The following TGFBRAP1 variants were observed in gnomAD, a reference collection of about 807,000 sequenced individuals.
TGFBRAP1 encodes transforming growth factor-beta receptor-associated protein 1.
Under a neutral mutation model 83.2 loss-of-function variants are expected in TGFBRAP1, and 20 were observed. The observed-to-expected ratio is 0.24, with a 90% confidence interval of 0.17 to 0.35. The LOEUF (loss-of-function observed/expected upper bound fraction) is 0.35, where lower values mean the gene tolerates loss of function less well. TGFBRAP1 is among the 10% of genes least tolerant of loss of function. The pLI is 1.00. For missense variants in TGFBRAP1, 950 were observed against 1,099.4 expected, an observed-to-expected ratio of 0.86 and a Z score of 1.92; for synonymous variants, 415 against 459.8, an observed-to-expected ratio of 0.90 and a Z score of 1.25.
At chr2:105,275,524 C>T (rs1677308860) in intron 8 of TGFBRAP1, 36 bp downstream of exon 8, 2 of 1,609,746 alleles carry the variant, frequency 1.2e-6, no homozygotes, top group African/African-American at 1.3e-5. Flanking sequence ...ACCACCTCCC[C>T]CAACCAAAGA....
At chr2:105,288,876 T>C (rs1677805647) in intron 4 of TGFBRAP1, among the ~76,000 whole-genome samples, 1 of 152,068 alleles carries the variant, frequency 6.6e-6, no homozygotes, top group African/African-American at 2.4e-5. Flanking sequence ...AGAAAGACAA[T>C]AAAAATATAA....
chr2:105,284,288 C>A (rs1336497400), intron 5 of TGFBRAP1, 28 bp downstream of exon 5: 2 of 1,607,018 alleles, frequency 1.2e-6, no homozygotes, highest in Non-Finnish European at 1.7e-6. Context: ...ACTGTAGTGG[C>A]AGTCTTGCTA....
chr2:105,325,316 G>A (rs1009419965), intron 1 of TGFBRAP1, among the ~76,000 whole-genome samples: 5 of 152,142 alleles, frequency 3.3e-5, no homozygotes, highest in African/African-American at 1.2e-4. Flanking sequence ...GTGGGATACT[G>A]CACACTCGAT....
chr2:105,284,279 C>G (rs1292838575), intron 5 of TGFBRAP1, 37 bp downstream of exon 5: 9 of 1,597,052 alleles, frequency 5.6e-6, no homozygotes, highest in Non-Finnish European at 5.2e-6. Context: ...CAGAGGGACA[C>G]TGTAGTGGCA....
At chr2:105,251,420 C>T in the TGFBRAP1 span, among the ~76,000 whole-genome samples, 1 of 151,726 alleles carries the variant, frequency 6.6e-6, no homozygotes, top group Non-Finnish European at 1.5e-5. Context: ...GCCCTGCCGC[C>T]CCGTCTGGGA....
intron 1 of TGFBRAP1, among the ~76,000 whole-genome samples, chr2:105,321,772 G>A (rs545126193): frequency 1.7e-4 from 26 of 152,198 alleles, no homozygotes; most frequent in Non-Finnish European, 3.4e-4. Context: ...GTAGCAAAAT[G>A]CATCACTCAT....
At chr2:105,280,827 G>T (rs892661835) in intron 5 of TGFBRAP1, 104 bp from the exon 6 acceptor site, 1 of 1,266,210 alleles carries the variant, frequency 7.9e-7, no homozygotes, top group Admixed American at 2.5e-5. Context: ...ACGTTCACAG[G>T]GGGCTGGGGA....
At chr2:105,320,831 T>C (rs1679034735) in intron 1 of TGFBRAP1, among the ~76,000 whole-genome samples, 1 of 152,186 alleles carries the variant, frequency 6.6e-6, no homozygotes, top group East Asian at 1.9e-4. Context: ...TAAACACTAC[T>C]CTCTAGATAC....
At chr2:105,273,085 C>T in intron 9 of TGFBRAP1, 71 bp from the exon 10 acceptor site, 1 of 1,566,678 alleles carries the variant, frequency 6.4e-7, no homozygotes, top group Non-Finnish European at 8.6e-7. Flanking sequence ...TCTCCCCTGT[C>T]AGCCAGGGCT....
intron 10 of TGFBRAP1, among the ~76,000 whole-genome samples, chr2:105,271,835 C>T (rs6736782): frequency 0.059 from 8,940 of 152,240 alleles, 366 homozygotes; most frequent in African/African-American, 0.11. Context: ...ACGACAAGCA[C>T]AGAGCCTGAT....
chr2:105,284,193 G>A (rs1029711037), intron 5 of TGFBRAP1, 123 bp downstream of exon 5: 26 of 873,694 alleles, frequency 3.0e-5, no homozygotes, highest in Admixed American at 7.7e-5. Flanking sequence ...TACCCCCACC[G>A]TATCCACCTG....
the TGFBRAP1 span, among the ~76,000 whole-genome samples, chr2:105,256,307 G>C: frequency 2.9e-4 from 44 of 152,148 alleles, no homozygotes; most frequent in African/African-American, 1.0e-3. Flanking sequence ...TACTCCCTGG[G>C]GTCCTGGTTA....
intron 5 of TGFBRAP1, among the ~76,000 whole-genome samples, chr2:105,284,064 A>T (rs1315235215): frequency 6.6e-6 from 1 of 152,142 alleles, no homozygotes; most frequent in East Asian, 1.9e-4. Context: ...ATGCCTCCAC[A>T]GGACTAGTGT....
At chr2:105,272,564 G>T (rs953974053) in intron 10 of TGFBRAP1, among the ~76,000 whole-genome samples, 6 of 152,148 alleles carry the variant, frequency 3.9e-5, no homozygotes, top group South Asian at 2.1e-4. Flanking sequence ...CTGCAAGGAG[G>T]CTGACTCTGT....
intron 6 of TGFBRAP1, 31 bp downstream of exon 6, chr2:105,280,351 G>T: frequency 1.3e-6 from 2 of 1,592,912 alleles, no homozygotes; most frequent in South Asian, 1.1e-5. Flanking sequence ...AGGGCGGGAA[G>T]CCCTGATCAT....
chr2:105,316,731 T>G (rs1000684444), intron 1 of TGFBRAP1, among the ~76,000 whole-genome samples: 1 of 151,840 alleles, frequency 6.6e-6, no homozygotes. Flanking sequence ...GGAGAATCGT[T>G]TGAACCTGGG....
At chr2:105,303,216 G>T (rs1678362510) in intron 2 of TGFBRAP1, among the ~76,000 whole-genome samples, 1 of 152,204 alleles carries the variant, frequency 6.6e-6, no homozygotes, top group African/African-American at 2.4e-5. Flanking sequence ...GCTTGCTTGA[G>T]CCCAGGAGTT....
chr2:105,299,398 C>T (rs772110652), intron 2 of TGFBRAP1, among the ~76,000 whole-genome samples: 1 of 152,090 alleles, frequency 6.6e-6, no homozygotes, highest in Non-Finnish European at 1.5e-5. Context: ...TCAAATAGGG[C>T]GTAATCCTGA....
In TGFBRAP1 at chr2:105,266,554, T is replaced by C. The variant is rs1676941924; in HGVS notation, c.*829A>G. 6.6e-6 allele frequency: 1 copy of C among 152,228 alleles called. No homozygotes were observed. The allele number at this position is 152,228 out of a possible 1,614,324, so 9.4% of individuals were successfully genotyped here. On this transcript the variant is annotated 3_prime_UTR_variant, in exon 12 of 12. Transcript: ENST00000393359. ...TGGAGTTTCAAATCAGCAGATGCCA[T>C]GACAGGAAAGGAGCACACAGCTGGG... is the stretch of plus-strand genomic sequence containing the variant.
Sources: allele counts gnomAD v4.1 joint callset (sites outside exome capture counted in the v4.1 genomes callset), GRCh38; gene constraint gnomAD v4.1.1; transcripts MANE v1.5; gene names NCBI Gene and HGNC (gene_info 2026-07-23, HGNC 2026-07-21).